Variants in RSRC1 observed in about 807,000 individuals in gnomAD.
RSRC1 encodes arginine and serine rich coiled-coil 1, also known as serine/Arginine-related protein 53.
Under a neutral mutation model 49.1 loss-of-function variants are expected in RSRC1, and 39 were observed. That is an observed-to-expected ratio of 0.79 (90% CI 0.61 to 1.04). The LOEUF is 1.04. Ranked by LOEUF, RSRC1 falls within the 50% of genes least tolerant of loss-of-function variation. The pLI, the probability that RSRC1 is intolerant of heterozygous loss-of-function variation, is 0.00. For missense variants in RSRC1, 388 were observed against 402.4 expected, an observed-to-expected ratio of 0.96 and a Z score of 0.31; for synonymous variants, 143 against 130.8, an observed-to-expected ratio of 1.09 and a Z score of -0.63.
chr3:158,321,396 T>A (rs1370031665), intron 5 of RSRC1, among the ~76,000 whole-genome samples: 2 of 152,072 alleles, frequency 1.3e-5, no homozygotes, highest in Non-Finnish European at 2.9e-5. Context: ...ATTTGATGTA[T>A]ATTCTAAAAC....
intron 6 of RSRC1, among the ~76,000 whole-genome samples, chr3:158,359,789 C>T (rs1336309793): frequency 2.0e-5 from 3 of 152,140 alleles, no homozygotes; most frequent in African/African-American, 7.2e-5. Flanking sequence ...TTTAGCTTCC[C>T]TATTCATTGG....
chr3:158,126,871 GTTTTTTTTGTTT>G (rs1332346497), intron 3 of RSRC1, among the ~76,000 whole-genome samples: 1 of 150,282 alleles, frequency 6.7e-6, no homozygotes, highest in Admixed American at 6.6e-5. Context: ...GATTGACAGG[GTTTTTTTTGTTT>G]TTGTTTTTGT....
chr3:158,202,762 A>G (rs1269261040), intron 3 of RSRC1, among the ~76,000 whole-genome samples: 2 of 151,836 alleles, frequency 1.3e-5, no homozygotes, highest in African/African-American at 4.8e-5. Flanking sequence ...GGAAAGCCTT[A>G]TTCTTGTAGA....
At chr3:158,531,519 C>T (rs1174681255) in intron 7 of RSRC1, among the ~76,000 whole-genome samples, 9 of 151,908 alleles carry the variant, frequency 5.9e-5, no homozygotes, top group Admixed American at 5.9e-4. Flanking sequence ...TGTCTTGGAT[C>T]CCGTCCAAAG....
At chr3:158,502,515 G>T (rs1035477771) in intron 7 of RSRC1, among the ~76,000 whole-genome samples, 1 of 151,990 alleles carries the variant, frequency 6.6e-6, no homozygotes, top group Non-Finnish European at 1.5e-5. Context: ...CTTAGGTTTG[G>T]TCATTTAAAA....
intron 3 of RSRC1, among the ~76,000 whole-genome samples, chr3:158,146,406 G>C (rs1349567057): frequency 6.6e-6 from 1 of 152,110 alleles, no homozygotes; most frequent in Non-Finnish European, 1.5e-5. Context: ...TTTGTCATTG[G>C]TTCTGTTTAT....
At chr3:158,389,255 C>T (rs530376112) in intron 6 of RSRC1, among the ~76,000 whole-genome samples, 1 of 152,050 alleles carries the variant, frequency 6.6e-6, no homozygotes, top group African/African-American at 2.4e-5. Context: ...TAAAGAAAAG[C>T]AGAGTGTTCA....
At chr3:158,435,349 C>T (rs888765209) in intron 6 of RSRC1, among the ~76,000 whole-genome samples, 13 of 151,352 alleles carry the variant, frequency 8.6e-5, no homozygotes, top group Non-Finnish European at 1.3e-4. Context: ...TTGTCAGTGT[C>T]ATTGTTTTAT....
At chr3:158,240,854 T>C (rs775867992) in intron 4 of RSRC1, among the ~76,000 whole-genome samples, 1 of 152,204 alleles carries the variant, frequency 6.6e-6, no homozygotes, top group African/African-American at 2.4e-5. Flanking sequence ...ATCTTACTTA[T>C]CAGATTGACA....
chr3:158,130,953 T>A (rs1253467733), intron 3 of RSRC1, among the ~76,000 whole-genome samples: 2 of 152,148 alleles, frequency 1.3e-5, no homozygotes, highest in African/African-American at 4.8e-5. Flanking sequence ...GAGTTTTACA[T>A]CTTTTTAGAA....
At chr3:158,205,343 A>G (rs1721288289) in intron 4 of RSRC1, among the ~76,000 whole-genome samples, 1 of 152,124 alleles carries the variant, frequency 6.6e-6, no homozygotes, top group East Asian at 1.9e-4. Context: ...TATCACTCAG[A>G]GCACCTAATG....
At chr3:158,231,940 T>C (rs1722988399) in intron 4 of RSRC1, among the ~76,000 whole-genome samples, 1 of 152,024 alleles carries the variant, frequency 6.6e-6, no homozygotes, top group Admixed American at 6.6e-5. Context: ...AAGTGAAAAA[T>C]AGTAAAACAG....
At chr3:158,117,035 A>T (rs1714880633) in intron 1 of RSRC1, among the ~76,000 whole-genome samples, 1 of 152,072 alleles carries the variant, frequency 6.6e-6, no homozygotes, top group African/African-American at 2.4e-5. Flanking sequence ...AAATGTCTTT[A>T]TTCTAATCTC....
At chr3:158,241,156 TGCCAGCAGTGGCTGG>T (rs1723551867) in intron 4 of RSRC1, among the ~76,000 whole-genome samples, 1 of 152,126 alleles carries the variant, frequency 6.6e-6, no homozygotes, top group African/African-American at 2.4e-5. Flanking sequence ...CCATTAAAAA[TGCCAGCAGTGGCTGG>T]GCACGGTGGC....
At chr3:158,497,798 A>G (rs1425014213) in intron 7 of RSRC1, among the ~76,000 whole-genome samples, 1 of 152,194 alleles carries the variant, frequency 6.6e-6, no homozygotes, top group Non-Finnish European at 1.5e-5. Context: ...GTGAGAAGAT[A>G]CAATGTTTGG....
intron 3 of RSRC1, among the ~76,000 whole-genome samples, chr3:158,128,989 T>C (rs1261570122): frequency 6.6e-6 from 1 of 151,918 alleles, no homozygotes; most frequent in Admixed American, 6.5e-5. Context: ...GATACTGCTA[T>C]GTCATAGTGG....
intron 3 of RSRC1, among the ~76,000 whole-genome samples, chr3:158,199,232 C>T (rs975245762): frequency 6.6e-6 from 1 of 152,158 alleles, no homozygotes; most frequent in East Asian, 1.9e-4. Context: ...CCTCCCCAGC[C>T]ATGTGGAAAT....
intron 3 of RSRC1, among the ~76,000 whole-genome samples, chr3:158,131,164 C>CT (rs1308727478): frequency 1.3e-5 from 2 of 151,026 alleles, no homozygotes; most frequent in Non-Finnish European, 3.0e-5. Flanking sequence ...TTTTATTATA[C>CT]TTTAAGTTCT....
intron 4 of RSRC1, among the ~76,000 whole-genome samples, chr3:158,231,312 T>C (rs1722937120): frequency 6.6e-6 from 1 of 151,842 alleles, no homozygotes; most frequent in Admixed American, 6.6e-5. Flanking sequence ...ATTTTTGTAT[T>C]TTTAATAGAG....
Sources: gnomAD v4.1 joint callset for allele counts (sites outside exome capture counted in the v4.1 genomes callset) on GRCh38, gnomAD v4.1.1 for gene constraint, MANE v1.5 for transcripts, NCBI Gene and HGNC (gene_info 2026-07-23, HGNC 2026-07-21) for gene names.